Variants in SNTG1 observed in about 807,000 individuals in gnomAD.
SNTG1 encodes the protein syntrophin gamma 1, also known as gamma-1-syntrophin.
A neutral mutation model predicts 74.7 loss-of-function variants in SNTG1; 39 were observed. That is an observed-to-expected ratio of 0.52 (90% CI 0.40 to 0.68). SNTG1 has a LOEUF of 0.68. Ranked by LOEUF, SNTG1 falls within the 30% of genes least tolerant of loss-of-function variation. The probability of loss-of-function intolerance (pLI) is 0.00; values close to 1 mark genes in which losing one functional copy is unlikely to be tolerated. For synonymous variants in SNTG1, 254 were observed against 217.1 expected (o/e 1.17, Z -1.49); for missense variants, 685 against 609.5 (o/e 1.12, Z -1.30).
intron 1 of SNTG1, among the ~76,000 whole-genome samples, chr8:50,102,973 T>C (rs13267887): frequency 0.24 from 36,320 of 150,606 alleles, 4,421 homozygotes; most frequent in South Asian, 0.37. Context: ...CCTTGTAGTA[T>C]AGTTTGAAGT....
intron 1 of SNTG1, among the ~76,000 whole-genome samples, chr8:50,009,883 C>T (rs1037449820): frequency 6.6e-6 from 1 of 152,072 alleles, no homozygotes; most frequent in Non-Finnish European, 1.5e-5. Flanking sequence ...CCTGTAGCCC[C>T]AGCTACTCAG....
chr8:50,779,252 A>C (rs1219477145), intron 18 of SNTG1, among the ~76,000 whole-genome samples: 1 of 152,182 alleles, frequency 6.6e-6, no homozygotes, highest in Non-Finnish European at 1.5e-5. Context: ...AGTCATTGGT[A>C]GCTTGATGGG....
At chr8:49,972,732 G>A (rs1252967217) in intron 1 of SNTG1, among the ~76,000 whole-genome samples, 1 of 151,734 alleles carries the variant, frequency 6.6e-6, no homozygotes, top group Non-Finnish European at 1.5e-5. Context: ...CTCAAAAGAA[G>A]ACATCTATGC....
chr8:50,199,023 G>T (rs1331698297), intron 2 of SNTG1, among the ~76,000 whole-genome samples: 2 of 152,152 alleles, frequency 1.3e-5, no homozygotes, highest in African/African-American at 4.8e-5. Flanking sequence ...TCTCACCTGG[G>T]AAGTCAGGAG....
chr8:50,273,048 G>A (rs1389216069), intron 2 of SNTG1, among the ~76,000 whole-genome samples: 2 of 152,042 alleles, frequency 1.3e-5, no homozygotes, highest in Admixed American at 6.6e-5. Context: ...AAATATTAGT[G>A]TTTATTCAAA....
intron 1 of SNTG1, among the ~76,000 whole-genome samples, chr8:50,150,680 A>G (rs1019950036): frequency 6.6e-6 from 1 of 152,178 alleles, no homozygotes; most frequent in African/African-American, 2.4e-5. Flanking sequence ...GGTTCTGTTT[A>G]TATGATGGAT....
At chr8:50,309,834 AC>A (rs1042359715) in intron 2 of SNTG1, among the ~76,000 whole-genome samples, 2 of 152,194 alleles carry the variant, frequency 1.3e-5, no homozygotes, top group Non-Finnish European at 2.9e-5. Flanking sequence ...ATCAAAAAAA[AC>A]CTTTTTATTG....
chr8:50,531,786 C>T (rs1387279473), intron 10 of SNTG1, among the ~76,000 whole-genome samples: 1 of 152,156 alleles, frequency 6.6e-6, no homozygotes, highest in African/African-American at 2.4e-5. Context: ...AAGACAGAAA[C>T]AAGAGCAACT....
intron 17 of SNTG1, among the ~76,000 whole-genome samples, chr8:50,729,801 T>C (rs2095508554): frequency 6.6e-6 from 1 of 152,194 alleles, no homozygotes; most frequent in Non-Finnish European, 1.5e-5. Flanking sequence ...AGGGGAATTC[T>C]GAAGCTTTGA....
At chr8:50,557,485 T>C (rs1479744246) in intron 12 of SNTG1, among the ~76,000 whole-genome samples, 1 of 152,168 alleles carries the variant, frequency 6.6e-6, no homozygotes, top group Non-Finnish European at 1.5e-5. Flanking sequence ...TGAAATCAGA[T>C]GCCAGCAGGA....
intron 4 of SNTG1, among the ~76,000 whole-genome samples, chr8:50,406,407 TGAATTTATTAGTTCTAATAGTTTATTGCG>T (rs2092876565): frequency 6.6e-6 from 1 of 152,206 alleles, no homozygotes; most frequent in African/African-American, 2.4e-5. Context: ...GCTACTTTGC[TGAATTTATTAGTTCTAATAGTTTATTGCG>T]GAATGTTTAT....
chr8:50,541,950 C>T (rs928692360), intron 11 of SNTG1, among the ~76,000 whole-genome samples: 7 of 151,480 alleles, frequency 4.6e-5, no homozygotes, highest in African/African-American at 1.7e-4. Context: ...TTATTTCACT[C>T]AATATAATGA....
chr8:50,206,378 T>C (rs987281573), intron 2 of SNTG1, among the ~76,000 whole-genome samples: 2 of 152,166 alleles, frequency 1.3e-5, no homozygotes, highest in Admixed American at 1.3e-4. Context: ...TTGTCTGTTA[T>C]TGGTGTGTAA....
chr8:50,100,163 A>G (rs1447222598), intron 1 of SNTG1, among the ~76,000 whole-genome samples: 1 of 152,146 alleles, frequency 6.6e-6, no homozygotes, highest in African/African-American at 2.4e-5. Context: ...AGCCAGGAAA[A>G]GAAAAGTTAA....
chr8:50,548,058 A>G (rs1360190824), intron 11 of SNTG1, among the ~76,000 whole-genome samples: 2 of 152,210 alleles, frequency 1.3e-5, no homozygotes, highest in African/African-American at 4.8e-5. Context: ...AGACAAGAGC[A>G]ACTAAGGACC....
chr8:50,555,592 A>C (rs905481594), intron 12 of SNTG1, among the ~76,000 whole-genome samples: 2 of 152,188 alleles, frequency 1.3e-5, no homozygotes, highest in Non-Finnish European at 2.9e-5. Context: ...TTATGGAAAG[A>C]TGTAGACCTT....
intron 12 of SNTG1, among the ~76,000 whole-genome samples, chr8:50,585,387 G>A (rs2094641541): frequency 6.6e-6 from 1 of 152,092 alleles, no homozygotes; most frequent in Admixed American, 6.5e-5. Context: ...CAGAAATTAT[G>A]TCCTTTGATC....
intron 2 of SNTG1, among the ~76,000 whole-genome samples, chr8:50,387,269 T>C (rs2092589777): frequency 6.6e-6 from 1 of 152,134 alleles, no homozygotes; most frequent in African/African-American, 2.4e-5. Flanking sequence ...TGGTAATTTC[T>C]GCCCTACAGA....
At chr8:49,964,649 T>A (rs534900167) in intron 1 of SNTG1, among the ~76,000 whole-genome samples, 2 of 152,320 alleles carry the variant, frequency 1.3e-5, no homozygotes, top group East Asian at 1.9e-4. Context: ...CTGGAACAGG[T>A]GCGTTCTACT....
Sources: gnomAD v4.1 joint callset for allele counts (sites outside exome capture counted in the v4.1 genomes callset) on GRCh38, gnomAD v4.1.1 for gene constraint, MANE v1.5 for transcripts, NCBI Gene and HGNC (gene_info 2026-07-23, HGNC 2026-07-21) for gene names.